The following PTPN13 variants were observed in gnomAD, a reference collection of about 807,000 sequenced individuals.
The protein encoded by PTPN13 is tyrosine-protein phosphatase non-receptor type 13.
In PTPN13, 191 loss-of-function variants were observed where a neutral mutation model predicts 284.0. The ratio of observed to expected loss-of-function variants is 0.67; its 90% confidence interval spans 0.60 to 0.76. The LOEUF is 0.76. Ranked by LOEUF, PTPN13 falls within the 30% of genes least tolerant of loss-of-function variation. The pLI is 0.00. For synonymous variants in PTPN13, 986 were observed against 1,022.3 expected, an observed-to-expected ratio of 0.96 and a Z score of 0.68; for missense variants, 2,797 against 2,939.9, an observed-to-expected ratio of 0.95 and a Z score of 1.12.
At chr4:86,758,607 T>C (rs1738290604) in intron 21 of PTPN13, 71 bp from the exon 22 acceptor site, 1 of 1,307,846 alleles carries the variant, frequency 7.6e-7, no homozygotes, top group Admixed American at 1.8e-5. Context: ...ATTTCTGTGT[T>C]TCAGGCAGGC....
chr4:86,737,086 G>A (rs929900773), intron 15 of PTPN13, among the ~76,000 whole-genome samples: 2 of 151,922 alleles, frequency 1.3e-5, no homozygotes, highest in Non-Finnish European at 2.9e-5. Context: ...TATATGTGCA[G>A]TTGAGCTGGG....
At chr4:86,605,668 C>T (rs1764683465) in intron 1 of PTPN13, among the ~76,000 whole-genome samples, 1 of 151,520 alleles carries the variant, frequency 6.6e-6, no homozygotes, top group South Asian at 2.1e-4. Flanking sequence ...ATGATAGTAT[C>T]TTCAGAAAGT....
intron 7 of PTPN13, among the ~76,000 whole-genome samples, chr4:86,703,728 G>T (rs1179550388): frequency 1.3e-5 from 2 of 152,094 alleles, no homozygotes; most frequent in African/African-American, 4.8e-5. Context: ...AATTATCCAA[G>T]TGTGGTGGTG....
At chr4:86,780,312 A>G (rs1285647186) in intron 35 of PTPN13, 90 bp from the exon 36 acceptor site, 8 of 1,045,962 alleles carry the variant, frequency 7.6e-6, no homozygotes, top group South Asian at 2.7e-5. Flanking sequence ...AGGTGGGAGC[A>G]TTGCTTGAGG....
chr4:86,750,581 CT>C lies in PTPN13; in HGVS notation c.2763del (p.Val922PhefsTer11), dbSNP rs779431993. The C allele has an allele frequency of 4.3e-6, 7 of 1,613,942 alleles. No homozygotes were observed. Among genetic ancestry groups the C allele is most frequent in the Non-Finnish European group, 8.5e-7 (1 of 1,179,866 alleles). On this transcript the variant is annotated frameshift_variant, in exon 18 of 48. Coordinates refer to ENST00000411767, the MANE Select transcript of PTPN13 (RefSeq NM_080683.3). LOFTEE classifies it high-confidence loss of function. ...SLASSTLNKL[A>X]VRPLSVQAEI... ...GCCAGCAGCACCCTCAACAAACTTG[CT>C]GTTCGACCTTTATCAGTTCAAGCTG...
intron 2 of PTPN13, among the ~76,000 whole-genome samples, chr4:86,671,805 C>T (rs78417135): frequency 0.05 from 7,614 of 152,260 alleles, 262 homozygotes; most frequent in African/African-American, 0.073. Context: ...GAATGCCTAA[C>T]AGGAATTTTC....
chr4:86,761,053 C>G (rs1027025079), intron 23 of PTPN13, among the ~76,000 whole-genome samples: 5 of 149,956 alleles, frequency 3.3e-5, no homozygotes, highest in African/African-American at 1.2e-4. Context: ...TTGAAGTCCC[C>G]TTACCCCATT....
intron 2 of PTPN13, among the ~76,000 whole-genome samples, chr4:86,651,429 CCCTTCCTT>C (rs534420867): frequency 6.6e-6 from 1 of 151,678 alleles, no homozygotes; most frequent in Non-Finnish European, 1.5e-5. Flanking sequence ...GTCCTTCCCT[CCCTTCCTT>C]CCTTCCTTCC....
chr4:86,656,818 C>G (rs1725876818), intron 2 of PTPN13, among the ~76,000 whole-genome samples: 1 of 152,230 alleles, frequency 6.6e-6, no homozygotes, highest in South Asian at 2.1e-4. Context: ...GCCCTGCCCC[C>G]AGAGGTGGAG....
chr4:86,661,809 A>G (rs1220836187), intron 2 of PTPN13, among the ~76,000 whole-genome samples: 1 of 152,158 alleles, frequency 6.6e-6, no homozygotes, highest in African/African-American at 2.4e-5. Flanking sequence ...ATCATCTTTG[A>G]TATTATAGGT....
At chr4:86,676,451 AG>A (rs1176347631) in intron 3 of PTPN13, among the ~76,000 whole-genome samples, 1 of 152,234 alleles carries the variant, frequency 6.6e-6, no homozygotes, top group Non-Finnish European at 1.5e-5. Flanking sequence ...AGCAGTATAA[AG>A]GTTTCTTAAA....
intron 37 of PTPN13, among the ~76,000 whole-genome samples, chr4:86,783,179 C>T (rs1741515397): frequency 6.6e-6 from 1 of 152,130 alleles, no homozygotes; most frequent in African/African-American, 2.4e-5. Context: ...TTGTCTCACA[C>T]TTGTGATTTG....
Position 86,807,800 on chromosome 4 carries a change from A to G in PTPN13, c.6986A>G (p.Lys2329Arg). The G allele has an allele frequency of 1.2e-6, 2 of 1,614,092 alleles. No individual in the cohort carries two copies. Among genetic ancestry groups the G allele is most frequent in the Non-Finnish European group, 1.7e-6 (2 of 1,179,906 alleles). ...CGCTATTGGCCCAACATCCTAGGCAAAACAACAATGGTCAGCAACAGACTT... is the reference window on the plus strand; with the variant it reads ...CGCTATTGGCCCAACATCCTAGGCAGAACAACAATGGTCAGCAACAGACTT... ...CQRYWPNILGKTTMVSNRLRL... is the reference protein window; with the variant it reads ...CQRYWPNILGRTTMVSNRLRL... Residue 2329 changes from lysine to arginine, a missense_variant, in exon 45 of 48, where the codon AAA becomes AGA. Physicochemically the swap from Lys to Arg is conservative, Grantham distance 26 (BLOSUM62 2). Coordinates refer to ENST00000411767, the MANE Select transcript of PTPN13 (RefSeq NM_080683.3).
chr4:86,714,527 A>G (rs1183859079), intron 7 of PTPN13, among the ~76,000 whole-genome samples: 3 of 152,066 alleles, frequency 2.0e-5, no homozygotes, highest in Non-Finnish European at 4.4e-5. Flanking sequence ...AAGCACAGAC[A>G]TTCTTCTGTG....
At chr4:86,780,540 G>T in intron 36 of PTPN13, 68 bp downstream of exon 36, 1 of 1,046,616 alleles carries the variant, frequency 9.6e-7, no homozygotes, top group Non-Finnish European at 1.5e-6. Flanking sequence ...CATCCATTTT[G>T]GAAAACAGGT....
intron 1 of PTPN13, among the ~76,000 whole-genome samples, chr4:86,628,844 A>G (rs1444848208): frequency 2.0e-5 from 3 of 149,586 alleles, no homozygotes; most frequent in Non-Finnish European, 4.5e-5. Flanking sequence ...ATCATTTTTT[A>G]TGGCTGCATA....
intron 2 of PTPN13, among the ~76,000 whole-genome samples, chr4:86,647,564 A>AG (rs1189889294): frequency 6.6e-6 from 1 of 151,960 alleles, no homozygotes; most frequent in African/African-American, 2.4e-5. Context: ...ATTTTAAAAA[A>AG]CATTTTTAAA....
At chr4:86,694,658 T>A (rs1730413172) in intron 6 of PTPN13, among the ~76,000 whole-genome samples, 1 of 151,386 alleles carries the variant, frequency 6.6e-6, no homozygotes, top group Non-Finnish European at 1.5e-5. Flanking sequence ...TATGTGACAA[T>A]TTATTTTTCA....
Position 86,734,727 on chromosome 4 carries a change from G to T in PTPN13, c.2013-10G>T. ...AAGGCCAAGATGTCTGTGTGTGTTT[G>T]TTTTTTCAGACATACTCTGACGTGT... On this transcript the variant is annotated splice_polypyrimidine_tract_variant and intron_variant, in intron 13 of 47. Transcript: ENST00000411767. 1 of 1,602,896 alleles carries T rather than the reference G, an allele frequency of 6.2e-7. No individual in the cohort carries two copies. Among genetic ancestry groups the T allele is most frequent in the Non-Finnish European group, 8.5e-7 (1 of 1,172,028 alleles).
Sources: gnomAD v4.1 joint callset for allele counts (sites outside exome capture counted in the v4.1 genomes callset) on GRCh38, gnomAD v4.1.1 for gene constraint, MANE v1.5 for transcripts, NCBI Gene and HGNC (gene_info 2026-07-23, HGNC 2026-07-21) for gene names.